PREX1: variants seen among roughly 807,000 people sequenced by gnomAD.
The protein encoded by PREX1 is phosphatidylinositol 3,4,5-trisphosphate-dependent Rac exchanger 1 protein.
PREX1 carries 41 observed loss-of-function variants against 198.3 expected under a neutral mutation model. The observed-to-expected ratio is 0.21, with a 90% CI of 0.16 to 0.27. PREX1 has a LOEUF of 0.27. Among genes scored for constraint, PREX1 ranks in the 10% least tolerant of loss-of-function variants. PREX1 has a pLI of 1.00. For missense variants in PREX1, 1,620 were observed against 2,200.7 expected, an observed-to-expected ratio of 0.74 and a Z score of 5.28; for synonymous variants, 843 against 887.2, an observed-to-expected ratio of 0.95 and a Z score of 0.89.
chr20:48,632,451 T>C (rs2089322393), intron 34 of PREX1, 45 bp downstream of exon 34: 5 of 1,613,480 alleles, frequency 3.1e-6, no homozygotes, highest in Non-Finnish European at 4.2e-6. Flanking sequence ...TTGGTGGCCT[T>C]GGCCCGGCCC....
chr20:48,754,616 T>G (rs2090148800), intron 1 of PREX1, among the ~76,000 whole-genome samples: 1 of 149,996 alleles, frequency 6.7e-6, no homozygotes, highest in African/African-American at 2.5e-5. Flanking sequence ...CAAGGACACC[T>G]CTGCCGTGGC....
At chr20:48,640,460 G>T (rs1474810800) in intron 29 of PREX1, among the ~76,000 whole-genome samples, 1 of 152,222 alleles carries the variant, frequency 6.6e-6, no homozygotes. Flanking sequence ...CAAGGTCCCA[G>T]TTTCTGAGAT....
chr20:48,665,746 C>T (rs1428780712), intron 15 of PREX1, among the ~76,000 whole-genome samples: 1 of 152,202 alleles, frequency 6.6e-6, no homozygotes, highest in African/African-American at 2.4e-5. Flanking sequence ...GGAGCCACTT[C>T]GTCCTCCTTC....
intron 1 of PREX1, among the ~76,000 whole-genome samples, chr20:48,797,200 G>A (rs959656030): frequency 1.4e-4 from 22 of 151,854 alleles, no homozygotes; most frequent in Non-Finnish European, 1.3e-4. Context: ...TCTTTGCTTG[G>A]GTCCCTGAGA....
chr20:48,791,965 G>A (rs886919861), intron 1 of PREX1, among the ~76,000 whole-genome samples: 2 of 152,186 alleles, frequency 1.3e-5, no homozygotes, highest in African/African-American at 4.8e-5. Flanking sequence ...CTGAGAGGTG[G>A]CTGCTTGCTT....
the PREX1 span, among the ~76,000 whole-genome samples, chr20:48,834,033 G>T: frequency 6.6e-6 from 1 of 151,742 alleles, no homozygotes; most frequent in Non-Finnish European, 1.5e-5. Context: ...GTGAGCCAGT[G>T]AGCCGAGATA....
intron 10 of PREX1, among the ~76,000 whole-genome samples, chr20:48,683,898 G>A (rs1231936565): frequency 1.3e-5 from 2 of 152,088 alleles, no homozygotes; most frequent in African/African-American, 2.4e-5. Flanking sequence ...GGGGATCAGC[G>A]CACACAGAAG....
rs182017729 is a variant in PREX1, at chr20:48,694,203, C to T, written c.918-1413G>A. ...TTGGGATTACAGGTATGAGCCACCA[C>T]GCCCAGCCCGAATTTCTGTTGTTTA... is the stretch of plus-strand genomic sequence containing the variant. On this transcript the variant is annotated intron_variant, in intron 7 of 39. Transcript: ENST00000371941. Among the ~76,000 whole-genome samples the T allele has an allele frequency of 1.0e-3, 156 of 152,284 alleles. 3 individuals carry two copies. Among genetic ancestry groups the T allele is most frequent in the Admixed American group, 9.5e-3 (145 of 15,290 alleles).
At chr20:48,875,257 G>A in the PREX1 span, among the ~76,000 whole-genome samples, 2 of 152,204 alleles carry the variant, frequency 1.3e-5, no homozygotes, top group African/African-American at 4.8e-5. Flanking sequence ...GGAAGCAGCT[G>A]AAGAACAAGG....
intron 1 of PREX1, among the ~76,000 whole-genome samples, chr20:48,779,988 A>AG (rs2090281028): frequency 6.6e-6 from 1 of 152,244 alleles, no homozygotes; most frequent in South Asian, 2.1e-4. Flanking sequence ...ACCCCCAAAA[A>AG]GTCATTTTTA....
chr20:48,887,905 A>C, the PREX1 span, among the ~76,000 whole-genome samples: 2 of 152,060 alleles, frequency 1.3e-5, no homozygotes, highest in Admixed American at 6.6e-5. Flanking sequence ...AGCCGAGATC[A>C]CGCCGCCGCA....
At chr20:48,723,263 A>G (rs2089993991) in intron 5 of PREX1, among the ~76,000 whole-genome samples, 1 of 152,178 alleles carries the variant, frequency 6.6e-6, no homozygotes, top group African/African-American at 2.4e-5. Context: ...CTGCAAGGGC[A>G]TCTGAATCTG....
chr20:48,749,350 G>C (rs932357930), intron 1 of PREX1, among the ~76,000 whole-genome samples: 4 of 152,178 alleles, frequency 2.6e-5, no homozygotes, highest in African/African-American at 4.8e-5. Context: ...GTCCACACGG[G>C]GGCTGCTCCA....
chr20:48,658,749 G>A (rs55973971), intron 16 of PREX1, among the ~76,000 whole-genome samples: 23,907 of 152,206 alleles, frequency 0.16, 2,217 homozygotes, highest in Middle Eastern at 0.3. Flanking sequence ...GGGAGTGTAC[G>A]TAGTTGGAAT....
chr20:48,787,627 A>G (rs2122951933), intron 1 of PREX1, among the ~76,000 whole-genome samples: 1 of 151,226 alleles, frequency 6.6e-6, no homozygotes, highest in South Asian at 2.1e-4. Context: ...AAAAGCAACC[A>G]TAAAACAAAA....
chr20:48,860,833 C>CAA, the PREX1 span, among the ~76,000 whole-genome samples: 26 of 110,816 alleles, frequency 2.3e-4, no homozygotes, highest in Admixed American at 3.8e-4. Flanking sequence ...GACTCTGCCT[C>CAA]AAAAAAAAAA....
intron 1 of PREX1, among the ~76,000 whole-genome samples, chr20:48,805,942 T>C (rs533833367): frequency 6.6e-5 from 10 of 152,180 alleles, no homozygotes; most frequent in East Asian, 1.9e-4. Flanking sequence ...GCAGCGAACA[T>C]GTGCTGAGCT....
intron 3 of PREX1, among the ~76,000 whole-genome samples, chr20:48,743,089 G>T (rs2090089996): frequency 6.6e-6 from 1 of 152,122 alleles, no homozygotes. Context: ...TGCTGAGCCA[G>T]GTCATTCATC....
chr20:48,770,235 C>A (rs1464121299), intron 1 of PREX1, among the ~76,000 whole-genome samples: 2 of 152,080 alleles, frequency 1.3e-5, no homozygotes, highest in African/African-American at 4.8e-5. Context: ...AGGAGGTATA[C>A]CAGGAAATGA....
Sources: allele counts gnomAD v4.1 joint callset (sites outside exome capture counted in the v4.1 genomes callset), GRCh38; gene constraint gnomAD v4.1.1; transcripts MANE v1.5; gene names NCBI Gene and HGNC (gene_info 2026-07-23, HGNC 2026-07-21).